Variants in ACADSB observed in about 807,000 individuals in gnomAD.
ACADSB encodes the protein acyl-CoA dehydrogenase short/branched chain.
A neutral mutation model predicts 54.1 loss-of-function variants in ACADSB; 40 were observed. The ratio of observed to expected loss-of-function variants is 0.74; its 90% CI spans 0.57 to 0.96. ACADSB has a LOEUF of 0.96. ACADSB is among the 40% of genes least tolerant of loss of function. ACADSB has a pLI of 0.00. For missense variants in ACADSB, 530 were observed against 510.4 expected (o/e 1.04, Z -0.37); for synonymous variants, 182 against 182.8 (o/e 1.00, Z 0.03).
intron 1 of ACADSB, among the ~76,000 whole-genome samples, chr10:123,026,434 C>T (rs1006398757): frequency 2.6e-5 from 4 of 152,070 alleles, no homozygotes; most frequent in African/African-American, 9.7e-5. Context: ...TATTTTATCA[C>T]GTGTAGATTT....
At position 123,052,962 on chromosome 10, in the gene ACADSB, A is replaced by T; in HGVS notation, c.1129-99A>T. 1 of 896,102 alleles carries T rather than the reference A, an allele frequency of 1.1e-6. No homozygotes were observed. The highest frequency in any genetic ancestry group is 1.4e-5 in the South Asian group (1 of 74,034). 55.5% of individuals were successfully genotyped at this position (896,102 alleles called of 1,614,324 possible). ...AGATAACTTTAGTCCTTCCAGTGCC[A>T]CTAACAGTAAATCCATGTTGCTGAA... On this transcript the variant is annotated intron_variant, in intron 9 of 10. Transcript: ENST00000358776. The surrounding 1 kb of genome is among the most constrained non-coding windows in gnomAD (Gnocchi z 4.2).
chr10:123,051,950 C>T (rs1898462), intron 9 of ACADSB, among the ~76,000 whole-genome samples: 66,238 of 151,882 alleles, frequency 0.44, 14,608 homozygotes, highest in East Asian at 0.58. Flanking sequence ...TGATTCTACC[C>T]CTAAAAGATT....
chr10:123,022,838 C>T (rs892700753), intron 1 of ACADSB, among the ~76,000 whole-genome samples: 3 of 152,112 alleles, frequency 2.0e-5, no homozygotes, highest in Non-Finnish European at 4.4e-5. Context: ...TATCACAACC[C>T]TTTCTTAATT....
Position 123,040,505 on chromosome 10 carries a change from G to A in ACADSB, c.343G>A (p.Gly115Arg). 6.2e-7 allele frequency: 1 copy of A among 1,614,110 alleles called. No individual in the cohort carries two copies. The highest frequency in any genetic ancestry group is 8.5e-7 in the Non-Finnish European group (1 of 1,180,010). ...AGTTGACCCAGAATATGGAGGCACA[G>A]GAGCTTCATTTTTATCCACTGTGCT... ...IEVDPEYGGT[G>R]ASFLSTVLVI... The change falls in exon 4 of 11, where the codon GGA becomes AGA. Residue 115 changes from glycine (G) to arginine (R), a missense_variant. Coordinates refer to ENST00000358776, the MANE Select transcript of ACADSB (RefSeq NM_001609.4).
intron 8 of ACADSB, among the ~76,000 whole-genome samples, chr10:123,050,058 A>G (rs1432842495): frequency 6.6e-6 from 1 of 152,226 alleles, no homozygotes; most frequent in African/African-American, 2.4e-5. Flanking sequence ...CTCTTTTTGT[A>G]CATACGAAAT....
chr10:123,026,455 C>G (rs897961323), intron 1 of ACADSB, among the ~76,000 whole-genome samples: 1 of 152,002 alleles, frequency 6.6e-6, no homozygotes, highest in Non-Finnish European at 1.5e-5. Context: ...GCATAACCAC[C>G]ACTACCATCT....
chr10:123,043,864 T>C (rs1850512598), intron 6 of ACADSB, among the ~76,000 whole-genome samples: 1 of 152,228 alleles, frequency 6.6e-6, no homozygotes, highest in African/African-American at 2.4e-5. Context: ...CTTAATTCTT[T>C]ATTTTTTTAA....
In ACADSB at chr10:123,041,387, T is replaced by G. The variant is rs779144815; in HGVS notation, c.681+8T>G. On this transcript the variant is annotated splice_region_variant and intron_variant, in intron 5 of 10. Transcript: ENST00000358776. ...AATGTAGACCCTACCATTGTAAGTT[T>G]GAAAACGAAATTTCTTTCTTTTTCC... 1.9e-6 allele frequency: 3 copies of G among 1,614,010 alleles called. No homozygotes were observed. Among genetic ancestry groups the G allele is most frequent in the Non-Finnish European group, 2.5e-6 (3 of 1,179,956 alleles).
chr10:123,017,988 GCTT>G (rs1290922263), intron 1 of ACADSB, among the ~76,000 whole-genome samples: 1 of 152,096 alleles, frequency 6.6e-6, no homozygotes, highest in Non-Finnish European at 1.5e-5. Flanking sequence ...GGATTGAAAT[GCTT>G]CTTATTAGGC....
At chr10:123,041,405 C>A in intron 5 of ACADSB, 26 bp downstream of exon 5, 1 of 1,612,316 alleles carries the variant, frequency 6.2e-7, no homozygotes, top group Non-Finnish European at 8.5e-7. Context: ...AAATTTCTTT[C>A]TTTTTCCAAA....
chr10:123,023,269 A>T (rs1850207485), intron 1 of ACADSB, among the ~76,000 whole-genome samples: 1 of 152,210 alleles, frequency 6.6e-6, no homozygotes, highest in African/African-American at 2.4e-5. Flanking sequence ...TAAAATCCAG[A>T]CAAAAATGTA....
At chr10:123,037,919 A>G in intron 3 of ACADSB, 72 bp downstream of exon 3, 3 of 1,083,580 alleles carry the variant, frequency 2.8e-6, no homozygotes, top group Admixed American at 1.8e-5. Context: ...AGCATAATGA[A>G]CCCTGCATTT....
chr10:123,043,549 G>T (rs1298810058), intron 6 of ACADSB, among the ~76,000 whole-genome samples: 2 of 152,342 alleles, frequency 1.3e-5, no homozygotes, highest in African/African-American at 4.8e-5. Flanking sequence ...CTCAGTGAGA[G>T]CGGAAACAGC....
chr10:123,032,070 C>A (rs1850334693), intron 1 of ACADSB, among the ~76,000 whole-genome samples: 1 of 152,038 alleles, frequency 6.6e-6, no homozygotes, highest in African/African-American at 2.4e-5. Context: ...ACCTCTGCCG[C>A]TGGGGTTCAA....
intron 2 of ACADSB, among the ~76,000 whole-genome samples, chr10:123,036,696 G>A (rs949567720): frequency 1.3e-5 from 2 of 152,284 alleles, no homozygotes; most frequent in African/African-American, 4.8e-5. Context: ...AGGTATTTGG[G>A]GAACAAAGCA....
intron 1 of ACADSB, among the ~76,000 whole-genome samples, chr10:123,032,583 CTTT>C (rs889911796): frequency 0.011 from 1,215 of 106,810 alleles, 6 homozygotes; most frequent in African/African-American, 0.04. Context: ...AATTTCCATT[CTTT>C]TTTTTTTTTT....
At chr10:123,044,647 T>C (rs548220106) in intron 7 of ACADSB, among the ~76,000 whole-genome samples, 162 bp downstream of exon 7, 27 of 152,334 alleles carry the variant, frequency 1.8e-4, no homozygotes, top group African/African-American at 6.5e-4. Flanking sequence ...AATTCCCTTT[T>C]GGTCAATTAT....
chr10:123,040,404 G>A lies in ACADSB; in HGVS notation c.304-62G>A, dbSNP rs1850454286. On this transcript the variant is annotated intron_variant, in intron 3 of 10. Transcript: ENST00000358776. ...ACAGTTTATTTTTTAACTTGTTCATGCAAGAAATTTCCCCATATAAAAATA... is the reference window on the plus strand; with the variant it reads ...ACAGTTTATTTTTTAACTTGTTCATACAAGAAATTTCCCCATATAAAAATA... 1.0e-5 allele frequency: 14 copies of A among 1,369,560 alleles called. No homozygotes were observed. In the South Asian group the frequency reaches 1.5e-4, roughly 15 times the overall value. The allele number at this position is 1,369,560 out of a possible 1,614,324, so 84.8% of individuals were successfully genotyped here. A position where few individuals can be genotyped will look rare whatever the true frequency, so the allele number is the denominator to read the frequency against.
chr10:123,012,840 G>T (rs1243875248), intron 1 of ACADSB, among the ~76,000 whole-genome samples: 5 of 152,214 alleles, frequency 3.3e-5, no homozygotes, highest in African/African-American at 7.2e-5. Context: ...GGACCCGATT[G>T]GATTGCCACT....
Sources: allele counts gnomAD v4.1 joint callset (sites outside exome capture counted in the v4.1 genomes callset), GRCh38; gene constraint gnomAD v4.1.1; non-coding constraint Gnocchi (gnomAD v3.1); transcripts MANE v1.5; gene names NCBI Gene and HGNC (gene_info 2026-07-23, HGNC 2026-07-21).